Variants in FSIP1 observed in about 807,000 individuals in gnomAD.
The protein encoded by FSIP1 is fibrous sheath-interacting protein 1.
FSIP1 carries 65 observed loss-of-function variants against 60.9 expected under a neutral mutation model. That is an observed-to-expected ratio of 1.07 (90% CI 0.87 to 1.31). The LOEUF (loss-of-function observed/expected upper bound fraction) is 1.31, where lower values mean the gene tolerates loss of function less well. Among genes scored for constraint, FSIP1 ranks in the 40% most tolerant of loss-of-function variants. The pLI is 0.00. For missense variants in FSIP1, 675 were observed against 665.5 expected (o/e 1.01, Z -0.16); for synonymous variants, 209 against 221.2 (o/e 0.94, Z 0.49).
rs58503914 is a variant in FSIP1, at chr15:39,745,728, G to A, written c.560-3828C>T. On this transcript the variant is annotated intron_variant, in intron 5 of 11. Transcript: ENST00000350221. Reference sequence around the variant, plus strand: ...CTGGAGAAAACACATGCAGACAGGGGGAAGACAAACTCCATACAGACAGTG... The same window carrying A: ...CTGGAGAAAACACATGCAGACAGGGAGAAGACAAACTCCATACAGACAGTG... Among the ~76,000 whole-genome samples the A allele has an allele frequency of 8.0e-3, 1,216 of 152,230 alleles. 14 individuals carry two copies. The highest frequency in any genetic ancestry group is 0.028 in the African/African-American group (1,145 of 41,536).
chr15:39,718,245 T>C (rs1157846836), intron 9 of FSIP1, among the ~76,000 whole-genome samples: 2 of 151,650 alleles, frequency 1.3e-5, no homozygotes, highest in Non-Finnish European at 2.9e-5. Flanking sequence ...GATACAGATA[T>C]AGATATACAC....
chr15:39,601,596 C>A (rs1172276469), intron 11 of FSIP1, among the ~76,000 whole-genome samples: 3 of 152,194 alleles, frequency 2.0e-5, no homozygotes, highest in Non-Finnish European at 2.9e-5. Context: ...AAAACTTGTA[C>A]ACAAGCGTTC....
At chr15:39,712,226 T>A (rs1220557554) in intron 10 of FSIP1, among the ~76,000 whole-genome samples, 2 of 152,052 alleles carry the variant, frequency 1.3e-5, no homozygotes. Context: ...CTGCAGGCAG[T>A]GAGGGCAGTT....
Position 39,617,733 on chromosome 15 carries a change from A to T in FSIP1, c.1699+2T>A. 6.2e-7 allele frequency: 1 copy of T among 1,605,628 alleles called. No individual in the cohort carries two copies. Among genetic ancestry groups the T allele is most frequent in the South Asian group, 1.1e-5 (1 of 90,154 alleles). On this transcript the variant is annotated splice_donor_variant, in intron 11 of 11. Coordinates refer to ENST00000350221, the MANE Select transcript of FSIP1 (RefSeq NM_152597.5). LOFTEE classifies it high-confidence loss of function. Reference sequence around the variant, plus strand: ...CCAAAACACATGTTCGCCAAGCCTCACCTGCTATTGTATTCTCTGGAGAAC... The same window carrying T: ...CCAAAACACATGTTCGCCAAGCCTCTCCTGCTATTGTATTCTCTGGAGAAC...
At chr15:39,734,625 T>C (rs1896540690) in intron 8 of FSIP1, among the ~76,000 whole-genome samples, 1 of 152,144 alleles carries the variant, frequency 6.6e-6, no homozygotes. Flanking sequence ...TTAATGTATT[T>C]TTAAAACTTG....
chr15:39,749,514 T>A (rs1003026803), intron 5 of FSIP1, among the ~76,000 whole-genome samples: 1 of 152,078 alleles, frequency 6.6e-6, no homozygotes, highest in African/African-American at 2.4e-5. Flanking sequence ...GTTTAACTTA[T>A]GTAAATCAAT....
At chr15:39,642,897 A>G (rs115977445) in intron 10 of FSIP1, among the ~76,000 whole-genome samples, 1,552 of 152,300 alleles carry the variant, frequency 0.01, 34 homozygotes, top group African/African-American at 0.036. Flanking sequence ...CTCTAAAACA[A>G]TGTTGTACTA....
At chr15:39,624,975 T>G (rs189250405) in intron 10 of FSIP1, among the ~76,000 whole-genome samples, 1 of 152,172 alleles carries the variant, frequency 6.6e-6, no homozygotes, top group East Asian at 1.9e-4. Context: ...TAATACTGAG[T>G]GTGAAGTAGG....
intron 11 of FSIP1, among the ~76,000 whole-genome samples, chr15:39,608,063 T>C (rs1311185384): frequency 2.0e-5 from 3 of 152,226 alleles, no homozygotes; most frequent in Non-Finnish European, 4.4e-5. Context: ...CAAGCTATTT[T>C]AATAATTATA....
chr15:39,780,408 C>A (rs1898219672), intron 1 of FSIP1, among the ~76,000 whole-genome samples: 1 of 152,120 alleles, frequency 6.6e-6, no homozygotes, highest in Non-Finnish European at 1.5e-5. Context: ...GCCTGTAGTC[C>A]CAGCTACTCG....
chr15:39,692,939 G>T (rs567220226), intron 10 of FSIP1, among the ~76,000 whole-genome samples: 1 of 152,326 alleles, frequency 6.6e-6, no homozygotes, highest in South Asian at 2.1e-4. Flanking sequence ...GGAAACCTGG[G>T]TACAAGGCAG....
chr15:39,628,157 G>C (rs1891721665), intron 10 of FSIP1, among the ~76,000 whole-genome samples: 1 of 152,198 alleles, frequency 6.6e-6, no homozygotes, highest in Non-Finnish European at 1.5e-5. Context: ...TCTGGGACGA[G>C]AGCAGCAGAG....
intron 10 of FSIP1, among the ~76,000 whole-genome samples, chr15:39,680,583 T>C (rs76169703): frequency 0.032 from 4,909 of 152,286 alleles, 255 homozygotes; most frequent in African/African-American, 0.11. Context: ...AGAGCCATCT[T>C]AGGCCATGAA....
intron 11 of FSIP1, among the ~76,000 whole-genome samples, chr15:39,613,778 G>C (rs572238578): frequency 1.8e-3 from 272 of 152,236 alleles, no homozygotes; most frequent in Admixed American, 5.5e-3. Context: ...CTTTATCCCT[G>C]GTATGCAAGG....
chr15:39,649,748 T>A (rs1892789660), intron 10 of FSIP1, among the ~76,000 whole-genome samples: 1 of 152,226 alleles, frequency 6.6e-6, no homozygotes, highest in Non-Finnish European at 1.5e-5. Flanking sequence ...TCGGATCAAG[T>A]CCTGAACACT....
chr15:39,693,836 T>C (rs905032805), intron 10 of FSIP1, among the ~76,000 whole-genome samples: 12 of 152,162 alleles, frequency 7.9e-5, no homozygotes, highest in African/African-American at 2.9e-4. Flanking sequence ...TCCTTATCTG[T>C]AACAATAGAG....
intron 11 of FSIP1, among the ~76,000 whole-genome samples, chr15:39,614,288 ACTAT>A (rs1457310616): frequency 6.6e-6 from 1 of 152,220 alleles, no homozygotes; most frequent in African/African-American, 2.4e-5. Context: ...TTAAGAACAA[ACTAT>A]CTAAATAGGA....
intron 10 of FSIP1, among the ~76,000 whole-genome samples, chr15:39,655,836 G>C (rs1193911767): frequency 6.6e-6 from 1 of 152,088 alleles, no homozygotes; most frequent in African/African-American, 2.4e-5. Context: ...GGTTGCTCTG[G>C]ATCTTTCCAC....
At chr15:39,713,421 T>A (rs1023002504) in intron 10 of FSIP1, 23 bp downstream of exon 10, 3 of 1,569,812 alleles carry the variant, frequency 1.9e-6, no homozygotes, top group Non-Finnish European at 2.6e-6. Flanking sequence ...TTAAAAAAAA[T>A]TAATTAAAAC....
Sources: gnomAD v4.1 joint callset for allele counts (sites outside exome capture counted in the v4.1 genomes callset) on GRCh38, gnomAD v4.1.1 for gene constraint, MANE v1.5 for transcripts, NCBI Gene and HGNC (gene_info 2026-07-23, HGNC 2026-07-21) for gene names.